MICB: variants seen among roughly 807,000 people sequenced by gnomAD.
The protein encoded by MICB is MHC class I antigen-related protein B.
A neutral mutation model predicts 34.3 loss-of-function variants in MICB; 27 were observed. That is an observed-to-expected ratio of 0.79 (90% confidence interval 0.58 to 1.08). The LOEUF (loss-of-function observed/expected upper bound fraction) is 1.08, where lower values mean the gene tolerates loss of function less well. Among genes scored for constraint, MICB ranks in the 50% least tolerant of loss-of-function variants. MICB has a pLI of 0.00. For missense variants in MICB, 426 were observed against 483.1 expected (o/e 0.88, Z 1.11); for synonymous variants, 153 against 187.4 (o/e 0.82, Z 1.50).
chr6:31,505,163 T>A (rs1340782105), intron 1 of MICB, among the ~76,000 whole-genome samples: 1 of 143,000 alleles, frequency 7.0e-6, no homozygotes. Context: ...TGATGAGTCT[T>A]TTCTCAAGGC....
intron 5 of MICB, 61 bp from the exon 6 acceptor site, chr6:31,509,721 C>T (rs1187959987): frequency 2.0e-6 from 3 of 1,488,208 alleles, no homozygotes; most frequent in South Asian, 1.4e-5. Flanking sequence ...GAGAAAAGTC[C>T]TTAGGGAATA....
At chr6:31,497,257 A>G (rs118129752), upstream of MICB, among the ~76,000 whole-genome samples, 348 of 152,300 alleles carry the variant, frequency 2.3e-3, 8 homozygotes, top group East Asian at 0.05. Context: ...TGAAGTTCTT[A>G]AGAGAAACTG....
In MICB at chr6:31,506,360, C is replaced by G; in HGVS notation, c.543C>G (p.Arg181=). The G allele has an allele frequency of 6.2e-7, 1 of 1,614,182 alleles. No individual in the cohort carries two copies. The change falls in exon 3 of 6, where the codon CGC becomes CGG. Residue 181 remains arginine (R), a synonymous_variant. Transcript: ENST00000252229. ...CCATGAAGACCAAGACACACTATCGCGCTATGCAGGCAGACTGCCTGCAGA... is the reference window on the plus strand; with the variant it reads ...CCATGAAGACCAAGACACACTATCGGGCTATGCAGGCAGACTGCCTGCAGA... ...EDAMKTKTHY[R]AMQADCLQKL... is the part of the protein sequence containing the mutation.
At chr6:31,495,519 G>T (rs563118032), upstream of MICB, among the ~76,000 whole-genome samples, 2 of 152,310 alleles carry the variant, frequency 1.3e-5, no homozygotes, top group East Asian at 3.9e-4. Flanking sequence ...ATCAGTGAAT[G>T]TGTATGGGAA....
At chr6:31,506,861 G>A (rs546385262) in intron 3 of MICB, among the ~76,000 whole-genome samples, 161 bp from the exon 4 acceptor site, 50 of 152,308 alleles carry the variant, frequency 3.3e-4, no homozygotes, top group African/African-American at 1.1e-3. Context: ...CCTCCTGCTA[G>A]CCTGGAGGAA....
chr6:31,501,474 C>G (rs3094003), intron 1 of MICB, among the ~76,000 whole-genome samples: 122,165 of 152,160 alleles, frequency 0.8, 49,323 homozygotes, highest in East Asian at 0.91. Flanking sequence ...TTGGTTGCCT[C>G]TGCTTGTGGG....
At chr6:31,503,696 A>G (rs6908948) in intron 1 of MICB, among the ~76,000 whole-genome samples, 51,316 of 151,960 alleles carry the variant, frequency 0.34, 8,770 homozygotes, top group East Asian at 0.46. Context: ...TCCATTCCTC[A>G]GACAATGGAC....
upstream of MICB, among the ~76,000 whole-genome samples, chr6:31,496,366 C>CTT (rs3034154): frequency 0.092 from 11,190 of 121,530 alleles, 807 homozygotes; most frequent in African/African-American, 0.16. Context: ...TCCTTTTTTT[C>CTT]TTTTTTTTTT....
chr6:31,500,822 C>T (rs58717361), intron 1 of MICB, among the ~76,000 whole-genome samples: 9,441 of 152,248 alleles, frequency 0.062, 506 homozygotes, highest in South Asian at 0.26. Context: ...TTTCTCCATT[C>T]GTCTGTTGAT....
chr6:31,505,968 G>T, intron 2 of MICB, 97 bp downstream of exon 2: 1 of 1,495,556 alleles, frequency 6.7e-7, no homozygotes, highest in Non-Finnish European at 9.0e-7. Flanking sequence ...ATCTGGCTGG[G>T]GGTGGGGATG....
chr6:31,495,712 G>A (rs778212281), upstream of MICB, among the ~76,000 whole-genome samples: 108 of 151,828 alleles, frequency 7.1e-4, 1 homozygote, highest in Admixed American at 2.0e-3. Flanking sequence ...TAGTCTAATG[G>A]GGGAGGAGGG....
Position 31,504,246 on chromosome 6 carries a change from CTCTT to C in MICB, c.71-1369_71-1366del, listed in dbSNP as rs374157780. Among the ~76,000 whole-genome samples, 832 of 103,406 alleles carry C rather than the reference CTCTT, an allele frequency of 8.0e-3. 12 individuals are homozygous for C. Among genetic ancestry groups the C allele is most frequent in the South Asian group, 0.012 (34 of 2,812 alleles). The allele number at this position is 103,406 out of a possible 152,430, so 67.8% of individuals were successfully genotyped here. On this transcript the variant is annotated intron_variant, in intron 1 of 5. Coordinates refer to ENST00000252229, the MANE Select transcript of MICB (RefSeq NM_005931.5). ...TTGCATATTCTGGAAACTAATCTCT[CTCTT>C]TTTCTTTTTTTTTTTTTTTTTTTTT...
chr6:31,495,636 T>TC (rs1764612943), upstream of MICB, among the ~76,000 whole-genome samples: 1 of 151,520 alleles, frequency 6.6e-6, no homozygotes, highest in Non-Finnish European at 1.5e-5. Context: ...ATAGTTGAAC[T>TC]TAAAAAAAAA....
upstream of MICB, among the ~76,000 whole-genome samples, chr6:31,495,326 C>CTGGAGGGAGGGTAGACACCG (rs1764598354): frequency 6.6e-6 from 1 of 152,054 alleles, no homozygotes; most frequent in African/African-American, 2.4e-5. Flanking sequence ...GGAGGAAGTC[C>CTGGAGGGAGGGTAGACACCG]TGGAGGGAGG....
Position 31,507,541 on chromosome 6 carries a change from G to T in MICB, c.1024+10G>T. On this transcript the variant is annotated intron_variant, in intron 5 of 5. Transcript: ENST00000252229. This position sits in a 1 kb window ranked among gnomAD's most constrained non-coding sequence, Gnocchi z 6.0. ...GCGGCAGAGGGTCCAGGTGAGAAAA[G>T]GGGACAGTTTCTGGAGATGGGAAAG... The T allele has an allele frequency of 6.2e-7, 1 of 1,614,170 alleles. No individual in the cohort carries two copies. The highest frequency in any genetic ancestry group is 8.5e-7 in the Non-Finnish European group (1 of 1,180,024).
intron 1 of MICB, among the ~76,000 whole-genome samples, chr6:31,499,539 C>T (rs1253750978): frequency 2.6e-5 from 3 of 115,470 alleles, no homozygotes; most frequent in Non-Finnish European, 3.7e-5. Flanking sequence ...TCTGGTGCTG[C>T]CTTTTGTCCG....
rs1276437508 is a variant in MICB at position 31,498,229 on chromosome 6, C to G, written c.36C>G (p.Val12=). The G allele has an allele frequency of 1.3e-6, 2 of 1,585,278 alleles. No individual in the cohort carries two copies. Among genetic ancestry groups the G allele is most frequent in the African/African-American group, 2.7e-5 (2 of 73,934 alleles). Residue 12 remains valine, a synonymous_variant, in exon 1 of 6, where the codon GTC becomes GTG. Coordinates refer to ENST00000252229, the MANE Select transcript of MICB (RefSeq NM_005931.5). ...GLGRVLLFLA[V]AFPFAPPAAA... is the part of the protein sequence containing the mutation. ...GCCGGGTCCTGCTGTTTCTGGCCGTCGCCTTCCCTTTTGCACCCCCGGCAG... is the reference window on the plus strand; with the variant it reads ...GCCGGGTCCTGCTGTTTCTGGCCGTGGCCTTCCCTTTTGCACCCCCGGCAG...
In MICB at chr6:31,507,662, G is replaced by T; in HGVS notation, c.1024+131G>T. ...ACAGGGGATGGAAGCTGGGGTATTT[G>T]GGAGGGGAATGGGAGCTGCATCTCC... On this transcript the variant is annotated intron_variant, in intron 5 of 5. Coordinates refer to ENST00000252229, the MANE Select transcript of MICB (RefSeq NM_005931.5). This position sits in a 1 kb window ranked among gnomAD's most constrained non-coding sequence, Gnocchi z 6.0. 9.0e-7 allele frequency: 1 copy of T among 1,115,380 alleles called. No homozygotes were observed. Among genetic ancestry groups the T allele is most frequent in the East Asian group, 2.5e-5 (1 of 40,622 alleles). The allele number at this position is 1,115,380 out of a possible 1,614,324, so 69.1% of individuals were successfully genotyped here.
chr6:31,497,829 G>T (rs1343319972), upstream of MICB, among the ~76,000 whole-genome samples: 2 of 152,166 alleles, frequency 1.3e-5, no homozygotes, highest in African/African-American at 2.4e-5. Context: ...GGGAATGCGG[G>T]GATGGGGTGG....
Sources: allele counts gnomAD v4.1 joint callset (sites outside exome capture counted in the v4.1 genomes callset), GRCh38; gene constraint gnomAD v4.1.1; non-coding constraint Gnocchi (gnomAD v3.1); transcripts MANE v1.5; gene names NCBI Gene and HGNC (gene_info 2026-07-23, HGNC 2026-07-21).